ARMC2: variants seen among roughly 807,000 people sequenced by gnomAD.
ARMC2 encodes armadillo repeat-containing protein 2.
A neutral mutation model predicts 90.3 loss-of-function variants in ARMC2; 67 were observed. That is an observed-to-expected ratio of 0.74 (90% confidence interval 0.61 to 0.91). The LOEUF (loss-of-function observed/expected upper bound fraction) is 0.91, where lower values mean the gene tolerates loss of function less well. Ranked by LOEUF, ARMC2 falls within the 40% of genes least tolerant of loss-of-function variation. The probability of loss-of-function intolerance (pLI) is 0.00; values close to 1 mark genes in which losing one functional copy is unlikely to be tolerated. For missense variants in ARMC2, 920 were observed against 1,030.9 expected (o/e 0.89, Z 1.47); for synonymous variants, 393 against 393.0 (o/e 1.00, Z 0.00).
At chr6:108,885,028 T>C (rs899669527) in intron 5 of ARMC2, among the ~76,000 whole-genome samples, 1 of 152,160 alleles carries the variant, frequency 6.6e-6, no homozygotes, top group East Asian at 1.9e-4. Context: ...TTACAAGGGC[T>C]TTTCACATGC....
At chr6:108,927,395 G>A (rs941855716) in intron 10 of ARMC2, among the ~76,000 whole-genome samples, 2 of 152,222 alleles carry the variant, frequency 1.3e-5, no homozygotes, top group African/African-American at 4.8e-5. Context: ...TGGTGAGGCT[G>A]AACTGGCTCT....
intron 3 of ARMC2, among the ~76,000 whole-genome samples, chr6:108,865,978 C>T (rs899420147): frequency 4.0e-5 from 6 of 148,196 alleles, no homozygotes; most frequent in African/African-American, 1.5e-4. Context: ...GATCGTACCA[C>T]TGCACTCCAG....
chr6:108,986,012 C>T, the ARMC2 span, among the ~76,000 whole-genome samples: 3 of 152,116 alleles, frequency 2.0e-5, no homozygotes, highest in East Asian at 5.8e-4. Context: ...TCCACACTAC[C>T]CCATACATTT....
At chr6:108,897,344 G>T (rs2128459402) in intron 6 of ARMC2, among the ~76,000 whole-genome samples, 1 of 152,288 alleles carries the variant, frequency 6.6e-6, no homozygotes, top group South Asian at 2.1e-4. Context: ...TTGGATAAGG[G>T]ATTGTGAATC....
At chr6:108,995,200 T>G in the ARMC2 span, among the ~76,000 whole-genome samples, 165 of 152,308 alleles carry the variant, frequency 1.1e-3, 4 homozygotes, top group South Asian at 0.032. Flanking sequence ...ATTTATGCTG[T>G]TTTAAACTAC....
At chr6:109,030,973 G>A in the ARMC2 span, among the ~76,000 whole-genome samples, 1 of 152,136 alleles carries the variant, frequency 6.6e-6, no homozygotes, top group Non-Finnish European at 1.5e-5. Flanking sequence ...GCTCTTAGGG[G>A]GCTTACAATC....
At chr6:109,002,465 TC>T in the ARMC2 span, 2 of 727,834 alleles carry the variant, frequency 2.7e-6, no homozygotes, top group South Asian at 3.2e-5. Context: ...TGGTTTGTTT[TC>T]ATGGCTGTAT....
the ARMC2 span, among the ~76,000 whole-genome samples, chr6:108,997,504 TA>T: frequency 6.6e-6 from 1 of 152,330 alleles, no homozygotes; most frequent in African/African-American, 2.4e-5. Flanking sequence ...TTTCTTGTGC[TA>T]ATTTCACCAT....
chr6:109,008,299 G>T, the ARMC2 span, among the ~76,000 whole-genome samples: 1 of 152,116 alleles, frequency 6.6e-6, no homozygotes, highest in South Asian at 2.1e-4. Flanking sequence ...CCCGCAAACA[G>T]AAACTGTAAA....
At chr6:109,048,774 T>A in the ARMC2 span, among the ~76,000 whole-genome samples, 1 of 152,178 alleles carries the variant, frequency 6.6e-6, no homozygotes, top group Non-Finnish European at 1.5e-5. Context: ...TGCCTCCCAT[T>A]CCCCTGATTC....
At chr6:108,861,486 A>G (rs1775238432) in intron 3 of ARMC2, among the ~76,000 whole-genome samples, 1 of 152,270 alleles carries the variant, frequency 6.6e-6, no homozygotes, top group Admixed American at 6.5e-5. Context: ...CATTTAATGT[A>G]TAGTCCATGT....
At chr6:109,026,755 AGCCTCCCAAAGT>A in the ARMC2 span, among the ~76,000 whole-genome samples, 1 of 152,106 alleles carries the variant, frequency 6.6e-6, no homozygotes, top group Non-Finnish European at 1.5e-5. Context: ...CGCCCGCCTC[AGCCTCCCAAAGT>A]GCTGGGATTG....
the ARMC2 span, among the ~76,000 whole-genome samples, chr6:109,034,745 C>T: frequency 4.6e-5 from 7 of 152,182 alleles, no homozygotes; most frequent in Non-Finnish European, 7.3e-5. Flanking sequence ...GTAAATTCTT[C>T]GTCTGTCTGA....
intron 7 of ARMC2, 53 bp downstream of exon 7, chr6:108,899,845 TA>T: frequency 7.4e-7 from 1 of 1,348,244 alleles, no homozygotes. Flanking sequence ...TTTTAAAAAA[TA>T]CCTGTAGTTA....
At position 108,881,119 on chromosome 6, in the gene ARMC2, A is replaced by G. The variant is rs1275991922; in HGVS notation, c.671+4769A>G. On this transcript the variant is annotated intron_variant, in intron 5 of 17. Coordinates refer to ENST00000392644, the MANE Select transcript of ARMC2 (RefSeq NM_032131.6). ...TCTGCCCACCTCAGCCTCCCAAAGTACTGAGATTACAGGCGTGAGCCACCG... is the reference window on the plus strand; with the variant it reads ...TCTGCCCACCTCAGCCTCCCAAAGTGCTGAGATTACAGGCGTGAGCCACCG... Among the ~76,000 whole-genome samples, 11 of 150,470 alleles carry G rather than the reference A, an allele frequency of 7.3e-5. No homozygotes were observed. In the East Asian group the frequency reaches 9.8e-4, roughly 13 times the overall value.
At chr6:108,885,995 G>A (rs1044177730) in intron 5 of ARMC2, among the ~76,000 whole-genome samples, 1 of 152,128 alleles carries the variant, frequency 6.6e-6, no homozygotes, top group Non-Finnish European at 1.5e-5. Context: ...GAAACTGTGT[G>A]GCCACAAAGC....
Position 108,962,002 on chromosome 6 carries a change from C to A in ARMC2, c.2039-12C>A, listed in dbSNP as rs138173201. 2 of 1,568,564 alleles carry A rather than the reference C, an allele frequency of 1.3e-6. No homozygotes were observed. The highest frequency in any genetic ancestry group is 1.4e-5 in the African/African-American group (1 of 72,998). On this transcript the variant is annotated splice_polypyrimidine_tract_variant and intron_variant, in intron 14 of 17. Coordinates refer to ENST00000392644, the MANE Select transcript of ARMC2 (RefSeq NM_032131.6). ...AATTCACTGATTTAATTTCTCTGGT[C>A]GCCAAATCCAGTGCTCTTAAAGCTT...
intron 7 of ARMC2, among the ~76,000 whole-genome samples, chr6:108,900,133 G>A (rs1771980982): frequency 6.6e-6 from 1 of 152,176 alleles, no homozygotes; most frequent in African/African-American, 2.4e-5. Context: ...GAAAGTAAAA[G>A]ATTAAAACAG....
At chr6:108,926,345 A>G (rs1424322641) in intron 10 of ARMC2, among the ~76,000 whole-genome samples, 1 of 152,218 alleles carries the variant, frequency 6.6e-6, no homozygotes, top group African/African-American at 2.4e-5. Flanking sequence ...TCTCAGGAGA[A>G]CAGGTGGAAA....
Sources: allele counts gnomAD v4.1 joint callset (sites outside exome capture counted in the v4.1 genomes callset), GRCh38; gene constraint gnomAD v4.1.1; transcripts MANE v1.5; gene names NCBI Gene and HGNC (gene_info 2026-07-23, HGNC 2026-07-21).